The following PLEKHD1 variants were observed in gnomAD, a reference collection of about 807,000 sequenced individuals.
PLEKHD1 encodes the protein pleckstrin homology and coiled-coil domain containing D1.
PLEKHD1 carries 51 observed loss-of-function variants against 69.2 expected under a neutral mutation model. That is an observed-to-expected ratio of 0.74 (90% CI 0.59 to 0.93). PLEKHD1 has a LOEUF of 0.93. Ranked by LOEUF, PLEKHD1 falls within the 40% of genes least tolerant of loss-of-function variation. The pLI, the probability that PLEKHD1 is intolerant of heterozygous loss-of-function variation, is 0.00. For missense variants in PLEKHD1, 584 were observed against 641.0 expected (o/e 0.91, Z 0.96); for synonymous variants, 236 against 244.7 (o/e 0.96, Z 0.33).
intron 6 of PLEKHD1, among the ~76,000 whole-genome samples, chr14:69,509,031 G>A (rs1048309360): frequency 6.6e-6 from 1 of 151,978 alleles, no homozygotes; most frequent in Non-Finnish European, 1.5e-5. Context: ...TGGCCTTTTC[G>A]GCTCCCAACA....
chr14:69,524,147 C>T, intron 7 of PLEKHD1, 82 bp from the exon 8 acceptor site: 1 of 1,176,368 alleles, frequency 8.5e-7, no homozygotes, highest in Non-Finnish European at 1.2e-6. Flanking sequence ...GGAAGTGAAG[C>T]AAAAGCATTT....
At chr14:69,489,724 G>T (rs937039691) in intron 1 of PLEKHD1, among the ~76,000 whole-genome samples, 37 of 152,106 alleles carry the variant, frequency 2.4e-4, no homozygotes, top group African/African-American at 8.9e-4. Flanking sequence ...AGTGGGAATG[G>T]GATGGGTCAA....
At chr14:69,472,601 T>C in the PLEKHD1 span, among the ~76,000 whole-genome samples, 1 of 152,386 alleles carries the variant, frequency 6.6e-6, no homozygotes, top group East Asian at 1.9e-4. Context: ...ATACTGTATT[T>C]TTACTCCACC....
intron 6 of PLEKHD1, among the ~76,000 whole-genome samples, chr14:69,506,890 G>C (rs1367890626): frequency 1.2e-5 from 1 of 86,646 alleles, no homozygotes; most frequent in African/African-American, 6.2e-5. Flanking sequence ...CCTGGCAACT[G>C]CTTTTTTTTT....
chr14:69,469,683 C>T, the PLEKHD1 span, among the ~76,000 whole-genome samples: 6 of 152,036 alleles, frequency 3.9e-5, no homozygotes, highest in Non-Finnish European at 7.4e-5. Flanking sequence ...AGCACGGAGA[C>T]GACTGGTGTG....
At chr14:69,484,329 C>A (rs537727595), upstream of PLEKHD1, among the ~76,000 whole-genome samples, 1 of 152,364 alleles carries the variant, frequency 6.6e-6, no homozygotes, top group Admixed American at 6.5e-5. Flanking sequence ...GTGTGTGACC[C>A]TACGCCCTAG....
At chr14:69,482,289 T>G (rs1882555437), upstream of PLEKHD1, among the ~76,000 whole-genome samples, 1 of 152,258 alleles carries the variant, frequency 6.6e-6, no homozygotes. Context: ...TTTGAATGAT[T>G]GCAGGTATCC....
intron 6 of PLEKHD1, among the ~76,000 whole-genome samples, chr14:69,511,017 T>C (rs1273919104): frequency 6.6e-6 from 1 of 152,272 alleles, no homozygotes; most frequent in Non-Finnish European, 1.5e-5. Context: ...TTTTCTCTTC[T>C]TTAGCCTGTT....
chr14:69,527,433 C>T, intron 11 of PLEKHD1, 101 bp downstream of exon 11: 2 of 1,471,462 alleles, frequency 1.4e-6, no homozygotes, highest in Admixed American at 2.0e-5. Context: ...GTCTGCTAGG[C>T]ATGAGGTGCT....
At chr14:69,501,321 C>T in intron 4 of PLEKHD1, 1 of 357,172 alleles carries the variant, frequency 2.8e-6, no homozygotes, top group East Asian at 5.8e-5. Context: ...CAACCCAGTC[C>T]ATTTTTATGT....
the PLEKHD1 span, among the ~76,000 whole-genome samples, chr14:69,470,074 A>G: frequency 6.0e-3 from 908 of 152,214 alleles, 6 homozygotes; most frequent in African/African-American, 0.021. Context: ...GTTTGCTTTA[A>G]TTACAGTTTT....
At chr14:69,526,874 A>T (rs1362943777) in intron 10 of PLEKHD1, 45 bp downstream of exon 10, 3 of 1,486,872 alleles carry the variant, frequency 2.0e-6, no homozygotes, top group Middle Eastern at 2.2e-4. Context: ...CCTTCCCTGG[A>T]GACTCCCCTT....
chr14:69,526,146 G>A (rs1455883099), intron 9 of PLEKHD1, 24 bp downstream of exon 9: 21 of 1,531,560 alleles, frequency 1.4e-5, no homozygotes, highest in Non-Finnish European at 1.8e-5. Flanking sequence ...GACCCCTGAA[G>A]ACACCATTGA....
rs1883589364 is a variant in PLEKHD1, at chr14:69,524,305, T to C, written c.727T>C (p.Leu243=). 6.4e-7 allele frequency: 1 copy of C among 1,551,576 alleles called. No individual in the cohort carries two copies. The highest frequency in any genetic ancestry group is 8.7e-7 in the Non-Finnish European group (1 of 1,146,952). The change falls in exon 8 of 13, where the codon TTG becomes CTG. Residue 243 remains leucine, a synonymous_variant. Coordinates refer to ENST00000322564, the MANE Select transcript of PLEKHD1 (RefSeq NM_001161498.2). ...KKELRHLTES[L]QQTLEELSIE... ...GGAACTGAGGCACCTCACGGAGTCC[T>C]TGCAGCAGACACTGGAGGTGAGGGG...
intron 9 of PLEKHD1, among the ~76,000 whole-genome samples, chr14:69,526,476 T>C (rs1883650268): frequency 6.6e-6 from 1 of 152,188 alleles, no homozygotes; most frequent in Non-Finnish European, 1.5e-5. Context: ...AAGCAACCTC[T>C]GGACCCAGGA....
intron 1 of PLEKHD1, among the ~76,000 whole-genome samples, chr14:69,495,289 A>G (rs1882863485): frequency 6.6e-6 from 1 of 152,156 alleles, no homozygotes; most frequent in Non-Finnish European, 1.5e-5. Context: ...ATATGTGGCA[A>G]CATCCCCTAA....
the PLEKHD1 span, among the ~76,000 whole-genome samples, chr14:69,472,198 A>G: frequency 2.0e-5 from 3 of 152,228 alleles, no homozygotes; most frequent in East Asian, 5.8e-4. Context: ...ACCCAACACC[A>G]CAGCCCTTCA....
chr14:69,498,746 C>G (rs1314957874), intron 1 of PLEKHD1, among the ~76,000 whole-genome samples: 2 of 151,970 alleles, frequency 1.3e-5, no homozygotes, highest in Non-Finnish European at 2.9e-5. Context: ...ATCCTGGGTT[C>G]AAGTGATTCT....
At chr14:69,525,169 T>C (rs192592811) in intron 8 of PLEKHD1, among the ~76,000 whole-genome samples, 1 of 152,298 alleles carries the variant, frequency 6.6e-6, no homozygotes, top group East Asian at 1.9e-4. Context: ...AGGTGTGTTT[T>C]CCAAACTATG....
Sources: allele counts gnomAD v4.1 joint callset (sites outside exome capture counted in the v4.1 genomes callset), GRCh38; gene constraint gnomAD v4.1.1; transcripts MANE v1.5; gene names NCBI Gene and HGNC (gene_info 2026-07-23, HGNC 2026-07-21).